PRPF8: variants seen among roughly 807,000 people sequenced by gnomAD.
The protein encoded by PRPF8 is pre-mRNA processing factor 8, also known as pre-mRNA-processing-splicing factor 8.
In PRPF8, 64 loss-of-function variants were observed where a neutral mutation model predicts 285.9. The observed-to-expected ratio is 0.22, with a 90% CI of 0.18 to 0.28. The LOEUF is 0.28. Among genes scored for constraint, PRPF8 ranks in the 10% least tolerant of loss-of-function variants. PRPF8 has a pLI of 1.00. For missense variants in PRPF8, 1,426 were observed against 3,026.7 expected, an observed-to-expected ratio of 0.47 and a Z score of 12.41; for synonymous variants, 1,325 against 1,118.2, an observed-to-expected ratio of 1.18 and a Z score of -3.69.
At chr17:1,678,018 A>G (rs918447590) in intron 13 of PRPF8, among the ~76,000 whole-genome samples, 1 of 152,126 alleles carries the variant, frequency 6.6e-6, no homozygotes, top group African/African-American at 2.4e-5. Flanking sequence ...GATCTGAGAA[A>G]GTTAAGTCCA....
At chr17:1,666,395 AG>A (rs1425912150) in intron 24 of PRPF8, among the ~76,000 whole-genome samples, 1 of 151,988 alleles carries the variant, frequency 6.6e-6, no homozygotes, top group Non-Finnish European at 1.5e-5. Flanking sequence ...CAAAATACAA[AG>A]AAAAATCAGC....
chr17:1,663,566 G>A (rs1160151713), intron 24 of PRPF8, among the ~76,000 whole-genome samples: 1 of 151,650 alleles, frequency 6.6e-6, no homozygotes, highest in Non-Finnish European at 1.5e-5. Context: ...AAAATTAGCT[G>A]AGCGTGGTGG....
chr17:1,653,902 C>T lies in PRPF8; in HGVS notation c.6102G>A (p.Lys2034=). 1 of 1,614,190 alleles carries T rather than the reference C, an allele frequency of 6.2e-7. No homozygotes were observed. The highest frequency in any genetic ancestry group is 8.5e-7 in the Non-Finnish European group (1 of 1,180,038). ...GTGTTGCCGTCAGCTGCGATTGTTC[C>T]TTGGTCTGCTTCTCGATCTCAGCGA... is the stretch of plus-strand genomic sequence containing the variant. ...QQIAEIEKQT[K]EQSQLTATQT... Residue 2034 remains lysine, a synonymous_variant, in exon 38 of 43, where the codon AAG becomes AAA. Coordinates refer to ENST00000304992, the MANE Select transcript of PRPF8 (RefSeq NM_006445.4). This position sits in a 1 kb window ranked among gnomAD's most constrained non-coding sequence, Gnocchi z 4.9.
chr17:1,681,109 A>C (rs1912898699), intron 6 of PRPF8, 55 bp from the exon 7 acceptor site: 1 of 1,550,480 alleles, frequency 6.4e-7, no homozygotes, highest in Non-Finnish European at 8.9e-7. Context: ...ACAGGGTCTC[A>C]CTCTTATCAC....
chr17:1,657,206 A>G (rs1385984544), intron 34 of PRPF8, among the ~76,000 whole-genome samples: 1 of 152,192 alleles, frequency 6.6e-6, no homozygotes, highest in Non-Finnish European at 1.5e-5. Flanking sequence ...TGTAAGATGA[A>G]ACATGCTATA....
At position 1,681,686 on chromosome 17, in the gene PRPF8, C is replaced by A; in HGVS notation, c.658G>T (p.Val220Leu). 6.2e-7 allele frequency: 1 copy of A among 1,614,138 alleles called. No individual in the cohort carries two copies. The highest frequency in any genetic ancestry group is 8.5e-7 in the Non-Finnish European group (1 of 1,180,002). ...CAGCGCTGGTAAGTGGAGCCATTTA[C>A]ATACCTAGGTAAAAAATGAAAGGCC... ...HQPLRDSRKYVNGSTYQRWQF... is the reference protein window; with the variant it reads ...HQPLRDSRKYLNGSTYQRWQF... The change falls in exon 6 of 43, where the codon GTA becomes TTA. Residue 220 changes from valine to leucine, a missense_variant. Physicochemically the swap from Val to Leu is conservative, Grantham distance 32. Coordinates refer to ENST00000304992, the MANE Select transcript of PRPF8 (RefSeq NM_006445.4).
chr17:1,658,171 A>T lies in PRPF8; in HGVS notation c.5505+82T>A. The T allele has an allele frequency of 6.9e-6, 11 of 1,596,710 alleles. No homozygotes were observed. The highest frequency in any genetic ancestry group is 9.4e-6 in the Non-Finnish European group (11 of 1,167,292). On this transcript the variant is annotated intron_variant, in intron 34 of 42. Transcript: ENST00000304992. This position sits in a 1 kb window ranked among gnomAD's most constrained non-coding sequence, Gnocchi z 4.1. ...AGATGTTCTCAGCCTTTCATCTAAT[A>T]AACCAGTAAATATTACCAAGTCCAC...
In PRPF8 at chr17:1,666,784, GAA is replaced by G. The variant is rs535828798; in HGVS notation, c.3775-4633_3775-4632del. Among the ~76,000 whole-genome samples the G allele has an allele frequency of 1.1e-3, 168 of 152,184 alleles. 8 individuals carry two copies. In the South Asian group the frequency reaches 0.034, roughly 31 times the overall value. On this transcript the variant is annotated intron_variant, in intron 24 of 42. Coordinates refer to ENST00000304992, the MANE Select transcript of PRPF8 (RefSeq NM_006445.4). ...CAAATGGTATTCAGACAAGCAAGGAGAAAAGACTGCAGGTGAGATAACAGCTC... is the reference window on the plus strand; with the variant it reads ...CAAATGGTATTCAGACAAGCAAGGAGAAGACTGCAGGTGAGATAACAGCTC...
Position 1,684,461 on chromosome 17 carries a change from T to G in PRPF8, c.100+11A>C. 1.2e-6 allele frequency: 2 copies of G among 1,612,226 alleles called. No homozygotes were observed. The highest frequency in any genetic ancestry group is 1.7e-6 in the Non-Finnish European group (2 of 1,179,556). The stretch of plus-strand genomic sequence containing the variant: ...CTCCGGCCCGCGCGCCGCTCCACAC[T>G]CTCGCCTCACCTTTCTCCTGCAGCT... On this transcript the variant is annotated intron_variant, in intron 2 of 42. Transcript: ENST00000304992.
rs542735177 is a variant in PRPF8, at chr17:1,680,065, G to A, written c.1099-266C>T. 7.2e-5 allele frequency among the ~76,000 whole-genome samples: 11 copies of A among 152,242 alleles called. No homozygotes were observed. The East Asian group carries it at 2.1e-3, about 29-fold the overall frequency. On this transcript the variant is annotated intron_variant, in intron 8 of 42. Coordinates refer to ENST00000304992, the MANE Select transcript of PRPF8 (RefSeq NM_006445.4). ...CCAATGGAGCCCCAACATCACAGGA[G>A]GTCAACATTGCAATCATCTCCCACC...
intron 24 of PRPF8, chr17:1,672,873 G>A (rs919376778): frequency 7.1e-5 from 44 of 617,820 alleles, no homozygotes; most frequent in Middle Eastern, 8.6e-4. Context: ...CCACAAGAAG[G>A]AGGCTACACA....
At position 1,679,313 on chromosome 17, in the gene PRPF8, G is replaced by T; in HGVS notation, c.1387C>A (p.Pro463Thr). 1.2e-6 allele frequency: 2 copies of T among 1,614,116 alleles called. No individual in the cohort carries two copies. The highest frequency in any genetic ancestry group is 1.7e-6 in the Non-Finnish European group (2 of 1,180,028). ...YYVLNALKHR[P>T]PKAQKKRYLF... ...TACCTCTTCTTTTGAGCCTTAGGGG[G>T]CCGATGCTTCAGGGCATTCAGCACA... The change falls in exon 10 of 43, where the codon CCC becomes ACC. Residue 463 changes from proline (P) to threonine (T), a missense_variant. Transcript: ENST00000304992. The surrounding 1 kb of genome is among the most constrained non-coding windows in gnomAD (Gnocchi z 4.7).
intron 3 of PRPF8, chr17:1,682,996 CA>C (rs1555554633): frequency 1.7e-5 from 3 of 173,632 alleles, no homozygotes; most frequent in East Asian, 1.4e-4. Context: ...TCTTATTTTT[CA>C]TTTTTTTTTT....
Position 1,675,771 on chromosome 17 carries a change from T to A in PRPF8, c.2721A>T (p.Pro907=). ...TCTCCAGGGGCTCAACATCATATACTGGAACGAGGTGGCTATACAGATCCA... is the reference window on the plus strand; with the variant it reads ...TCTCCAGGGGCTCAACATCATATACAGGAACGAGGTGGCTATACAGATCCA... ...EFMDLYSHLV[P]VYDVEPLEKI... The change falls in exon 19 of 43, where the codon CCA becomes CCT. Residue 907 remains proline, a synonymous_variant. Transcript: ENST00000304992. This position sits in a 1 kb window ranked among gnomAD's most constrained non-coding sequence, Gnocchi z 6.0. The A allele has an allele frequency of 6.2e-7, 1 of 1,614,170 alleles. No individual in the cohort carries two copies. Among genetic ancestry groups the A allele is most frequent in the Non-Finnish European group, 8.5e-7 (1 of 1,180,034 alleles).
At position 1,659,116 on chromosome 17, in the gene PRPF8, C is replaced by A. The variant is rs1290221599; in HGVS notation, c.5138+241G>T. On this transcript the variant is annotated intron_variant, in intron 32 of 42. Transcript: ENST00000304992. The surrounding 1 kb of genome is among the most constrained non-coding windows in gnomAD (Gnocchi z 5.1). Reference sequence around the variant, plus strand: ...TCTCGGTTCACTGCAAGCTCCGCCTCCCGGGTTCAAGTAATTCTCCCACCT... The same window carrying A: ...TCTCGGTTCACTGCAAGCTCCGCCTACCGGGTTCAAGTAATTCTCCCACCT... 3 of 640,038 alleles carry A rather than the reference C, an allele frequency of 4.7e-6. No individual in the cohort carries two copies. In the Admixed American group the frequency reaches 7.5e-5, roughly 16 times the overall value. 39.6% of individuals were successfully genotyped at this position (640,038 alleles called of 1,614,324 possible).
intron 2 of PRPF8, among the ~76,000 whole-genome samples, chr17:1,684,150 G>T (rs913482458): frequency 3.3e-5 from 5 of 152,150 alleles, no homozygotes; most frequent in Non-Finnish European, 5.9e-5. Context: ...GCCTCCCAAA[G>T]TGCTGGGATT....
rs767365234 is a variant in PRPF8 at position 1,658,853 on chromosome 17, C to G, written c.5139-90G>C. 34 of 1,153,064 alleles carry G rather than the reference C, an allele frequency of 2.9e-5. No individual in the cohort carries two copies. Among genetic ancestry groups the G allele is most frequent in the Non-Finnish European group, 4.2e-5 (32 of 765,694 alleles). 71.4% of individuals were successfully genotyped at this position (1,153,064 alleles called of 1,614,324 possible). A position where few individuals can be genotyped will look rare whatever the true frequency, so the allele number is the denominator to read the frequency against. ...TGCCAACTCTACAGAGGAAGAAAGA[C>G]TGTTCGCCAGGCTGACAACACTCTG... On this transcript the variant is annotated intron_variant, in intron 32 of 42. Coordinates refer to ENST00000304992, the MANE Select transcript of PRPF8 (RefSeq NM_006445.4). This position sits in a 1 kb window ranked among gnomAD's most constrained non-coding sequence, Gnocchi z 4.1.
chr17:1,651,286 C>T lies in PRPF8; in HGVS notation c.6675G>A (p.Leu2225=). The part of the protein sequence containing the change: ...TCSFTPGSCT[L]TAYKLTPSGY... Reference sequence around the variant, plus strand: ...CACTGGGGGTCAGCTTGTAGGCCGTCAGTGTACAGGAGCCTGGCGTGAAGC... The same window carrying T: ...CACTGGGGGTCAGCTTGTAGGCCGTTAGTGTACAGGAGCCTGGCGTGAAGC... Residue 2225 remains leucine, a synonymous_variant, in exon 42 of 43, where the codon CTG becomes CTA. Coordinates refer to ENST00000304992, the MANE Select transcript of PRPF8 (RefSeq NM_006445.4). This position sits in a 1 kb window ranked among gnomAD's most constrained non-coding sequence, Gnocchi z 5.1. The T allele has an allele frequency of 6.2e-7, 1 of 1,614,080 alleles. No individual in the cohort carries two copies. Among genetic ancestry groups the T allele is most frequent in the Non-Finnish European group, 8.5e-7 (1 of 1,180,018 alleles).
Position 1,677,662 on chromosome 17 carries a change from G to T in PRPF8, c.1887C>A (p.Phe629Leu). Residue 629 changes from phenylalanine (F) to leucine (L), a missense_variant, in exon 14 of 43, where the codon TTC becomes TTA. By Grantham distance (22) the Phe-to-Leu change is conservative. Coordinates refer to ENST00000304992, the MANE Select transcript of PRPF8 (RefSeq NM_006445.4). ...GCCAGACTCGCCAACCGGCAGCCCA[G>T]AAGCCACAGCCAGGACCCTTCCCTA... ...GPVGKGPGCG[F>L]WAAGWRVWLF... 1 of 1,613,900 alleles carries T rather than the reference G, an allele frequency of 6.2e-7. No individual in the cohort carries two copies. Among genetic ancestry groups the T allele is most frequent in the South Asian group, 1.1e-5 (1 of 91,068 alleles).
Sources: gnomAD v4.1 joint callset for allele counts (sites outside exome capture counted in the v4.1 genomes callset) on GRCh38, gnomAD v4.1.1 for gene constraint, Gnocchi (gnomAD v3.1) non-coding constraint, MANE v1.5 for transcripts, NCBI Gene and HGNC (gene_info 2026-07-23, HGNC 2026-07-21) for gene names.